PCDH15: variants seen among roughly 807,000 people sequenced by gnomAD.
PCDH15 encodes protocadherin-15.
Under a neutral mutation model 178.5 loss-of-function variants are expected in PCDH15, and 129 were observed. The observed-to-expected ratio is 0.72, with a 90% CI of 0.63 to 0.84. The LOEUF is 0.84. PCDH15 is among the 40% of genes least tolerant of loss of function. The probability of loss-of-function intolerance (pLI) is 0.00; values close to 1 mark genes in which losing one functional copy is unlikely to be tolerated. For missense variants in PCDH15, 2,230 were observed against 2,099.9 expected, an observed-to-expected ratio of 1.06 and a Z score of -1.21; for synonymous variants, 800 against 732.0, an observed-to-expected ratio of 1.09 and a Z score of -1.50.
At chr10:54,870,109 T>C (rs1258637588) in intron 3 of PCDH15, among the ~76,000 whole-genome samples, 8 of 152,306 alleles carry the variant, frequency 5.3e-5, no homozygotes, top group Non-Finnish European at 8.8e-5. Context: ...GTCTTGCAAA[T>C]AGTTGATTTC....
chr10:55,090,440 CTT>C (rs1205574116), intron 2 of PCDH15, among the ~76,000 whole-genome samples: 2 of 152,016 alleles, frequency 1.3e-5, no homozygotes, highest in African/African-American at 4.8e-5. Flanking sequence ...GGATCACACT[CTT>C]TTAGATCTCA....
intron 2 of PCDH15, among the ~76,000 whole-genome samples, chr10:55,024,516 C>A (rs1564727071): frequency 6.6e-6 from 1 of 151,064 alleles, no homozygotes; most frequent in Admixed American, 6.6e-5. Context: ...GATGTAAATT[C>A]CATACCCACA....
At chr10:53,941,032 T>G (rs2086017022) in intron 23 of PCDH15, 57 bp from the exon 24 acceptor site, 1 of 1,234,032 alleles carries the variant, frequency 8.1e-7, no homozygotes, top group Non-Finnish European at 1.2e-6. Flanking sequence ...TGATGTAACT[T>G]TACGTTCACA....
chr10:54,043,828 A>G (rs896934358), intron 18 of PCDH15, among the ~76,000 whole-genome samples: 1 of 152,106 alleles, frequency 6.6e-6, no homozygotes, highest in Non-Finnish European at 1.5e-5. Context: ...GAACTTCTAG[A>G]CTGAAAACTT....
At chr10:54,899,755 A>G (rs1387134020) in intron 2 of PCDH15, among the ~76,000 whole-genome samples, 1 of 152,132 alleles carries the variant, frequency 6.6e-6, no homozygotes, top group Admixed American at 6.6e-5. Flanking sequence ...TCGGCCTCCC[A>G]AAGTGCTAGG....
chr10:54,467,832 A>T (rs1385900495), intron 3 of PCDH15, among the ~76,000 whole-genome samples: 1 of 151,670 alleles, frequency 6.6e-6, no homozygotes, highest in Non-Finnish European at 1.5e-5. Context: ...TTTATTGTTG[A>T]TGTAATCTTA....
rs538058060 is a variant in PCDH15 at position 54,022,834 on chromosome 10, C to A, written c.2526+58G>T. The A allele has an allele frequency of 2.9e-4, 455 of 1,580,984 alleles. 1 individual carries two copies. Among genetic ancestry groups the A allele is most frequent in the Middle Eastern group, 5.0e-4 (3 of 5,980 alleles). ...TTACTTGCTAATTTTGGCACACAAACCCTAATAGCAAATCTCCTAATGTAG... is the reference window on the plus strand; with the variant it reads ...TTACTTGCTAATTTTGGCACACAAAACCTAATAGCAAATCTCCTAATGTAG... On this transcript the variant is annotated intron_variant, in intron 19 of 37. Coordinates refer to ENST00000644397, the MANE Select transcript of PCDH15 (RefSeq NM_001384140.1).
intron 2 of PCDH15, among the ~76,000 whole-genome samples, chr10:55,534,886 A>T (rs979672600): frequency 1.3e-5 from 2 of 152,150 alleles, no homozygotes; most frequent in Middle Eastern, 3.2e-3. Context: ...CACAGCCATA[A>T]AAAATAATAA....
chr10:54,274,994 T>C (rs533733295), intron 8 of PCDH15, among the ~76,000 whole-genome samples: 1 of 151,904 alleles, frequency 6.6e-6, no homozygotes, highest in South Asian at 2.1e-4. Context: ...GCATTAGGGA[T>C]CCAAGCCATA....
intron 2 of PCDH15, among the ~76,000 whole-genome samples, chr10:55,621,276 T>C (rs1219745806): frequency 6.6e-6 from 1 of 152,222 alleles, no homozygotes; most frequent in African/African-American, 2.4e-5. Flanking sequence ...AATTTCTTTA[T>C]AGAAGCATTT....
chr10:53,972,454 A>C (rs2089800753), intron 21 of PCDH15, among the ~76,000 whole-genome samples: 1 of 152,180 alleles, frequency 6.6e-6, no homozygotes, highest in Admixed American at 6.5e-5. Context: ...TAATTAAACT[A>C]AAGAGCTTCT....
chr10:55,416,964 G>C (rs1249715806), intron 2 of PCDH15, among the ~76,000 whole-genome samples: 1 of 151,694 alleles, frequency 6.6e-6, no homozygotes, highest in Non-Finnish European at 1.5e-5. Flanking sequence ...TTCTAACAGG[G>C]ACTATAAAGA....
At chr10:54,183,967 A>G (rs1007988054) in intron 12 of PCDH15, among the ~76,000 whole-genome samples, 1 of 152,182 alleles carries the variant, frequency 6.6e-6, no homozygotes, top group Non-Finnish European at 1.5e-5. Flanking sequence ...TGTATACAAT[A>G]GTTCCTTGTA....
At chr10:54,540,180 A>G (rs2085050617) in intron 2 of PCDH15, among the ~76,000 whole-genome samples, 1 of 152,166 alleles carries the variant, frequency 6.6e-6, no homozygotes. Context: ...ATTGAGGCAT[A>G]AAAATCCATA....
chr10:54,430,549 A>G (rs1274856255), intron 3 of PCDH15, among the ~76,000 whole-genome samples: 4 of 152,212 alleles, frequency 2.6e-5, no homozygotes, highest in African/African-American at 9.6e-5. Context: ...ATGACCATCC[A>G]GTGTTTCAGT....
intron 5 of PCDH15, among the ~76,000 whole-genome samples, chr10:54,356,183 T>C (rs1341226479): frequency 1.3e-5 from 2 of 152,110 alleles, no homozygotes; most frequent in Non-Finnish European, 2.9e-5. Flanking sequence ...ATACATTGTG[T>C]GTCTTTTGTG....
intron 5 of PCDH15, among the ~76,000 whole-genome samples, chr10:54,351,949 G>T (rs185138836): frequency 6.6e-6 from 1 of 152,232 alleles, no homozygotes; most frequent in Non-Finnish European, 1.5e-5. Context: ...CCGATGGTAT[G>T]CTGTTCACTT....
intron 11 of PCDH15, among the ~76,000 whole-genome samples, chr10:54,190,018 C>A (rs2048846976): frequency 6.7e-6 from 1 of 150,024 alleles, no homozygotes; most frequent in Non-Finnish European, 1.5e-5. Context: ...GCAAATATTT[C>A]TTTTCCTTTC....
intron 2 of PCDH15, among the ~76,000 whole-genome samples, chr10:55,622,173 T>TTA (rs1388901672): frequency 4.3e-5 from 5 of 116,762 alleles, no homozygotes; most frequent in Non-Finnish European, 8.8e-5. Context: ...ATTATATATA[T>TTA]TATATATATA....
Sources: allele counts gnomAD v4.1 joint callset (sites outside exome capture counted in the v4.1 genomes callset), GRCh38; gene constraint gnomAD v4.1.1; transcripts MANE v1.5; gene names NCBI Gene and HGNC (gene_info 2026-07-23, HGNC 2026-07-21).